Variants in BANF2 observed in about 807,000 individuals in gnomAD.
The protein encoded by BANF2 is BANF family member 2.
BANF2 carries 4 observed loss-of-function variants against 8.0 expected under a neutral mutation model. The ratio of observed to expected loss-of-function variants is 0.50; its 90% CI spans 0.25 to 1.14. The LOEUF (loss-of-function observed/expected upper bound fraction) is 1.14. Among genes scored for constraint, BANF2 ranks in the 50% most tolerant of loss-of-function variants. The probability of loss-of-function intolerance (pLI) is 0.16; values close to 1 mark genes in which losing one functional copy is unlikely to be tolerated. For missense variants in BANF2, 96 were observed against 107.5 expected (o/e 0.89, Z 0.47); for synonymous variants, 50 against 40.6 (o/e 1.23, Z -0.88).
rs532199199 is a variant in BANF2, at chr20:17,729,043, T to G, written c.126+3892T>G. On this transcript the variant is annotated intron_variant, in intron 3 of 3. Coordinates refer to ENST00000246090, the MANE Select transcript of BANF2 (RefSeq NM_178477.5). ...TCCTTCCCCTTTTTACTGTGGCTAC[T>G]AGGAAAATCAAAATCACGTATGTGG... is the stretch of plus-strand genomic sequence containing the variant. 4.6e-5 allele frequency among the ~76,000 whole-genome samples: 7 copies of G among 152,320 alleles called. No individual in the cohort carries two copies. In the South Asian group the frequency reaches 1.4e-3, roughly 32 times the overall value.
chr20:17,730,507 G>A (rs576465217), intron 3 of BANF2, among the ~76,000 whole-genome samples: 19 of 152,196 alleles, frequency 1.2e-4, no homozygotes, highest in African/African-American at 4.6e-4. Context: ...CTTACTGCAA[G>A]GTTCTGCTCC....
chr20:17,735,631 T>G (rs370404964), intron 3 of BANF2, 34 bp from the exon 4 acceptor site: 3 of 1,604,572 alleles, frequency 1.9e-6, no homozygotes, highest in Non-Finnish European at 1.7e-6. Flanking sequence ...TGATAACCTT[T>G]CCTGCTTTCC....
chr20:17,694,021 T>A (rs1342596483), intron 1 of BANF2, among the ~76,000 whole-genome samples: 1 of 152,224 alleles, frequency 6.6e-6, no homozygotes, highest in African/African-American at 2.4e-5. Context: ...TCACAGTCTC[T>A]CCTTGTTGCG....
Position 17,722,751 on chromosome 20 carries a change from G to GC in BANF2, c.-126dup. ...CACATCAAGGCCACTTTTCTTAGGA[G>GC]CCCCCTGACTTCCAAAATCAGTGCC... is the stretch of plus-strand genomic sequence containing the variant. On this transcript the variant is annotated 5_prime_UTR_variant, in exon 2 of 4. Coordinates refer to ENST00000246090, the MANE Select transcript of BANF2 (RefSeq NM_178477.5). 1 of 984,794 alleles carries GC rather than the reference G, an allele frequency of 1.0e-6. No homozygotes were observed. Among genetic ancestry groups the GC allele is most frequent in the Non-Finnish European group, 1.2e-6 (1 of 829,396 alleles). The allele number at this position is 984,794 out of a possible 1,614,324, so 61.0% of individuals were successfully genotyped here. A position where few individuals can be genotyped will look rare whatever the true frequency, so the allele number is the denominator to read the frequency against.
intron 3 of BANF2, among the ~76,000 whole-genome samples, chr20:17,726,408 A>G (rs2037810296): frequency 6.6e-6 from 1 of 152,128 alleles, no homozygotes; most frequent in Non-Finnish European, 1.5e-5. Context: ...GATGGTCTCG[A>G]ACTCCTGGAC....
Position 17,735,683 on chromosome 20 carries a change from C to T in BANF2, c.145C>T (p.Gln49Ter). The T allele has an allele frequency of 6.2e-7, 1 of 1,614,000 alleles. No individual in the cohort carries two copies. Among genetic ancestry groups the T allele is most frequent in the African/African-American group, 1.3e-5 (1 of 75,044 alleles). Residue 49 changes from glutamine to a stop codon, truncating the protein, a stop_gained, in exon 4 of 4, where the codon CAA becomes TAA. Transcript: ENST00000246090. LOFTEE classifies it high-confidence loss of function. ...TCCCCAGGCCTACATCCTGCTGGGACAATTCCTTCTGATGCACAAGAATGA... is the reference window on the plus strand; with the variant it reads ...TCCCCAGGCCTACATCCTGCTGGGATAATTCCTTCTGATGCACAAGAATGA... The part of the protein sequence containing the change: ...GINKAYILLG[Q>*]FLLMHKNEAE...
rs1363782148 is a variant in BANF2 at position 17,725,137 on chromosome 20, A to C, written c.112A>C (p.Lys38Gln). 1.2e-6 allele frequency: 2 copies of C among 1,612,624 alleles called. No homozygotes were observed. The highest frequency in any genetic ancestry group is 3.3e-5 in the Admixed American group (2 of 60,024). ...SHELAINLVTKGINKAYILLG... is the reference protein window; with the variant it reads ...SHELAINLVTQGINKAYILLG... ...TGAGCTCGCGATCAATTTGGTCACCAAAGGTATCAATAAGGTAATTCATAT... is the reference window on the plus strand; with the variant it reads ...TGAGCTCGCGATCAATTTGGTCACCCAAGGTATCAATAAGGTAATTCATAT... The change falls in exon 3 of 4, where the codon AAA (lysine) becomes CAA (glutamine). Residue 38 changes from lysine to glutamine, a missense_variant. By Grantham distance (53) the Lys-to-Gln change is moderately conservative. Coordinates refer to ENST00000246090, the MANE Select transcript of BANF2 (RefSeq NM_178477.5).
At chr20:17,710,511 T>C (rs891572229) in intron 1 of BANF2, among the ~76,000 whole-genome samples, 25 of 152,354 alleles carry the variant, frequency 1.6e-4, no homozygotes, top group African/African-American at 5.8e-4. Context: ...TCAGCCACCA[T>C]GAGCCCCCTT....
At chr20:17,727,389 G>A (rs1239666526) in intron 3 of BANF2, among the ~76,000 whole-genome samples, 3 of 152,204 alleles carry the variant, frequency 2.0e-5, no homozygotes, top group Non-Finnish European at 2.9e-5. Flanking sequence ...CAAGGGCTCC[G>A]AGGAGCAGTG....
chr20:17,735,271 C>T (rs190136673), intron 3 of BANF2, among the ~76,000 whole-genome samples: 16 of 152,222 alleles, frequency 1.1e-4, no homozygotes, highest in African/African-American at 3.6e-4. Context: ...TGCTAGGCCC[C>T]GGCTACTCAA....
intron 1 of BANF2, among the ~76,000 whole-genome samples, chr20:17,705,515 T>C (rs2037469848): frequency 6.6e-6 from 1 of 152,192 alleles, no homozygotes; most frequent in East Asian, 1.9e-4. Flanking sequence ...CTAACTGATG[T>C]TACTTAAAAG....
At chr20:17,705,625 A>G (rs967497001) in intron 1 of BANF2, among the ~76,000 whole-genome samples, 2 of 152,352 alleles carry the variant, frequency 1.3e-5, no homozygotes, top group African/African-American at 2.4e-5. Context: ...GCTGGTGTAC[A>G]TTGTGAATCC....
At position 17,735,683 on chromosome 20, in the gene BANF2, C is replaced by A; in HGVS notation, c.145C>A (p.Gln49Lys). The change falls in exon 4 of 4, where the codon CAA becomes AAA. Residue 49 changes from glutamine (Q) to lysine (K), a missense_variant. Transcript: ENST00000246090. ...GINKAYILLGQFLLMHKNEAE... is the reference protein window; with the variant it reads ...GINKAYILLGKFLLMHKNEAE... ...TCCCCAGGCCTACATCCTGCTGGGACAATTCCTTCTGATGCACAAGAATGA... is the reference window on the plus strand; with the variant it reads ...TCCCCAGGCCTACATCCTGCTGGGAAAATTCCTTCTGATGCACAAGAATGA... 6.2e-7 allele frequency: 1 copy of A among 1,614,000 alleles called. No individual in the cohort carries two copies. Among genetic ancestry groups the A allele is most frequent in the Non-Finnish European group, 8.5e-7 (1 of 1,179,876 alleles).
chr20:17,696,284 C>A (rs997542918), upstream of BANF2, among the ~76,000 whole-genome samples: 1 of 152,188 alleles, frequency 6.6e-6, no homozygotes, highest in Non-Finnish European at 1.5e-5. Context: ...AGATTACAGG[C>A]ATGAACCACC....
intron 2 of BANF2, among the ~76,000 whole-genome samples, chr20:17,723,716 C>T (rs745666024): frequency 4.6e-5 from 7 of 152,176 alleles, no homozygotes; most frequent in African/African-American, 1.2e-4. Context: ...AGATGGCGGC[C>T]GGGCGCAGCA....
At chr20:17,711,564 A>G (rs2037573620) in intron 1 of BANF2, among the ~76,000 whole-genome samples, 1 of 152,126 alleles carries the variant, frequency 6.6e-6, no homozygotes, top group African/African-American at 2.4e-5. Flanking sequence ...CACCAGGGGC[A>G]CTCAGCTTCT....
At chr20:17,698,090 C>T (rs528409855), upstream of BANF2, among the ~76,000 whole-genome samples, 39 of 152,166 alleles carry the variant, frequency 2.6e-4, no homozygotes, top group Middle Eastern at 3.4e-3. Flanking sequence ...GCCTGTAAAT[C>T]CCAGTTACTT....
chr20:17,716,463 A>G (rs866970839), intron 1 of BANF2, among the ~76,000 whole-genome samples: 2 of 151,948 alleles, frequency 1.3e-5, no homozygotes, highest in Middle Eastern at 3.2e-3. Context: ...CCGCCCAAGT[A>G]TCTGGGACCA....
chr20:17,732,878 G>A (rs188755698), intron 3 of BANF2, among the ~76,000 whole-genome samples: 62 of 152,328 alleles, frequency 4.1e-4, no homozygotes, highest in Admixed American at 1.6e-3. Context: ...TGGAGCCGGG[G>A]GAGAAACCAA....
Sources: allele counts gnomAD v4.1 joint callset (sites outside exome capture counted in the v4.1 genomes callset), GRCh38; gene constraint gnomAD v4.1.1; transcripts MANE v1.5; gene names NCBI Gene and HGNC (gene_info 2026-07-23, HGNC 2026-07-21).